The following LGSN variants were observed in gnomAD, a reference collection of about 807,000 sequenced individuals.
LGSN encodes the protein lengsin.
LGSN carries 21 observed loss-of-function variants against 19.5 expected under a neutral mutation model. That is an observed-to-expected ratio of 1.07 (90% CI 0.76 to 1.55). The LOEUF (loss-of-function observed/expected upper bound fraction) is 1.55, where lower values mean the gene tolerates loss of function less well. Ranked by LOEUF, LGSN falls within the 40% of genes most tolerant of loss-of-function variation. The probability of loss-of-function intolerance (pLI) is 0.00; values close to 1 mark genes in which losing one functional copy is unlikely to be tolerated. For synonymous variants in LGSN, 257 were observed against 215.6 expected, an observed-to-expected ratio of 1.19 and a Z score of -1.68; for missense variants, 673 against 608.5, an observed-to-expected ratio of 1.11 and a Z score of -1.12.
the LGSN span, among the ~76,000 whole-genome samples, chr6:63,373,201 A>G: frequency 6.6e-6 from 1 of 152,180 alleles, no homozygotes; most frequent in East Asian, 1.9e-4. Context: ...TTTTGTTCCT[A>G]TGGTTTAGAA....
rs1196080862 is a variant in LGSN, at chr6:63,277,748, G to C, written c.*2273C>G. 6.6e-6 allele frequency: 1 copy of C among 152,430 alleles called. No homozygotes were observed. Among genetic ancestry groups the C allele is most frequent in the Non-Finnish European group, 1.5e-5 (1 of 68,270 alleles). The allele number at this position is 152,430 out of a possible 1,614,324, so 9.4% of individuals were successfully genotyped here. A position where few individuals can be genotyped will look rare whatever the true frequency, so the allele number is the denominator to read the frequency against. On this transcript the variant is annotated 3_prime_UTR_variant, in exon 4 of 4. Coordinates refer to ENST00000370657, the MANE Select transcript of LGSN (RefSeq NM_016571.3). ...AGCAGGAAGGGTGAAGGCAGCAAGA[G>C]AAAGAAAGGGCAGAGCACACAGCAT...
intron 1 of LGSN, among the ~76,000 whole-genome samples, chr6:63,318,526 T>G (rs1023407695): frequency 6.6e-6 from 1 of 152,320 alleles, no homozygotes; most frequent in African/African-American, 2.4e-5. Context: ...AAGATTCACC[T>G]TTATTACATC....
intron 1 of LGSN, among the ~76,000 whole-genome samples, chr6:63,310,180 T>C (rs2127394490): frequency 6.6e-6 from 1 of 152,332 alleles, no homozygotes; most frequent in South Asian, 2.1e-4. Context: ...TAGCCTGTCC[T>C]GATAAGACAG....
chr6:63,335,300 G>A, the LGSN span, among the ~76,000 whole-genome samples: 6 of 151,998 alleles, frequency 3.9e-5, no homozygotes, highest in African/African-American at 1.2e-4. Flanking sequence ...TTACAAGTGA[G>A]ACCTGAAACT....
chr6:63,379,780 A>C, the LGSN span, among the ~76,000 whole-genome samples: 1 of 152,198 alleles, frequency 6.6e-6, no homozygotes, highest in Non-Finnish European at 1.5e-5. Flanking sequence ...TTTTTACAAA[A>C]ATTTTGCAGG....
the LGSN span, among the ~76,000 whole-genome samples, chr6:63,499,273 A>G: frequency 6.6e-6 from 1 of 152,228 alleles, no homozygotes; most frequent in East Asian, 1.9e-4. Flanking sequence ...AACCTTGGAA[A>G]TTTTGATAAA....
the LGSN span, among the ~76,000 whole-genome samples, chr6:63,409,680 T>C: frequency 2.0e-5 from 3 of 152,190 alleles, no homozygotes; most frequent in African/African-American, 7.2e-5. Flanking sequence ...TGGCCTTGTG[T>C]TTTTATACAA....
chr6:63,538,638 A>G, the LGSN span, among the ~76,000 whole-genome samples: 4 of 152,196 alleles, frequency 2.6e-5, no homozygotes, highest in Non-Finnish European at 5.9e-5. Flanking sequence ...TTGAGATTGC[A>G]AAAGAGATTT....
At chr6:63,510,660 A>ATT in the LGSN span, among the ~76,000 whole-genome samples, 54 of 111,992 alleles carry the variant, frequency 4.8e-4, 1 homozygote, top group African/African-American at 1.1e-3. Context: ...CAAGAAGCGA[A>ATT]TTTTTTTTTT....
chr6:63,278,990 T>A lies in LGSN; in HGVS notation c.*1031A>T, dbSNP rs1313675946. 1.3e-5 allele frequency: 2 copies of A among 152,246 alleles called. No individual in the cohort carries two copies. Among genetic ancestry groups the A allele is most frequent in the Non-Finnish European group, 2.9e-5 (2 of 68,052 alleles). The allele number at this position is 152,246 out of a possible 1,614,324, so 9.4% of individuals were successfully genotyped here. ...TTTGCTAGTAAGTGGATTTTGGACT[T>A]CTTCCCAAAAGCAGCTAAACTTTTG... On this transcript the variant is annotated 3_prime_UTR_variant, in exon 4 of 4. Transcript: ENST00000370657.
the LGSN span, among the ~76,000 whole-genome samples, chr6:63,393,044 G>A: frequency 2.6e-5 from 4 of 151,108 alleles, no homozygotes; most frequent in South Asian, 4.2e-4. Context: ...CCACCACCAC[G>A]CCCGGCTAAT....
At chr6:63,381,084 C>G in the LGSN span, among the ~76,000 whole-genome samples, 1 of 152,126 alleles carries the variant, frequency 6.6e-6, no homozygotes, top group African/African-American at 2.4e-5. Context: ...CACCTGTAGT[C>G]TCAGCTACTC....
rs1404777 is a variant in LGSN, at chr6:63,312,911, A to G, written c.30+7003T>C. On this transcript the variant is annotated intron_variant, in intron 1 of 3. Coordinates refer to ENST00000370657, the MANE Select transcript of LGSN (RefSeq NM_016571.3). ...TGACTAGGAAACCCAAAAAGCAAAGACTTGAGAAAGGAAATTATGAGTTCT... is the reference window on the plus strand; with the variant it reads ...TGACTAGGAAACCCAAAAAGCAAAGGCTTGAGAAAGGAAATTATGAGTTCT... Among the ~76,000 whole-genome samples, 96 of 152,256 alleles carry G rather than the reference A, an allele frequency of 6.3e-4. 3 individuals carry two copies. In the South Asian group the frequency reaches 0.019, roughly 31 times the overall value.
chr6:63,429,753 G>A, the LGSN span, among the ~76,000 whole-genome samples: 5 of 135,450 alleles, frequency 3.7e-5, no homozygotes, highest in Non-Finnish European at 7.8e-5. Flanking sequence ...AAAAAAAAAA[G>A]TCTGAAGACA....
chr6:63,492,029 CAA>C, the LGSN span, among the ~76,000 whole-genome samples: 10 of 126,182 alleles, frequency 7.9e-5, no homozygotes, highest in South Asian at 7.8e-4. Context: ...AACTCCATCT[CAA>C]AAAAAAAAAA....
chr6:63,406,614 AG>A, the LGSN span, among the ~76,000 whole-genome samples: 22 of 151,644 alleles, frequency 1.5e-4, no homozygotes, highest in Non-Finnish European at 2.8e-4. Flanking sequence ...CACAATTAAA[AG>A]AACTAGAAAA....
chr6:63,493,524 T>A, the LGSN span, among the ~76,000 whole-genome samples: 2 of 152,218 alleles, frequency 1.3e-5, no homozygotes, highest in Non-Finnish European at 2.9e-5. Flanking sequence ...TAGAATTTAA[T>A]TCAGGTTTGG....
At chr6:63,377,989 G>A in the LGSN span, among the ~76,000 whole-genome samples, 1 of 146,998 alleles carries the variant, frequency 6.8e-6, no homozygotes, top group African/African-American at 2.5e-5. Flanking sequence ...TGCTGATATG[G>A]AGAAAGGTTT....
chr6:63,540,556 G>A, the LGSN span, among the ~76,000 whole-genome samples: 1 of 152,190 alleles, frequency 6.6e-6, no homozygotes, highest in South Asian at 2.1e-4. Context: ...AGGAGGCGGA[G>A]GTTGCAGTAA....
Sources: allele counts gnomAD v4.1 joint callset (sites outside exome capture counted in the v4.1 genomes callset), GRCh38; gene constraint gnomAD v4.1.1; transcripts MANE v1.5; gene names NCBI Gene and HGNC (gene_info 2026-07-23, HGNC 2026-07-21).